The following PKP2 variants were observed in gnomAD, a reference collection of about 807,000 sequenced individuals.
PKP2 encodes the protein plakophilin-2.
A neutral mutation model predicts 83.4 loss-of-function variants in PKP2; 73 were observed. The ratio of observed to expected loss-of-function variants is 0.88; its 90% CI spans 0.72 to 1.06. The LOEUF is 1.06. PKP2 is among the 50% of genes least tolerant of loss of function. The pLI is 0.00. For missense variants in PKP2, 966 were observed against 1,065.4 expected (o/e 0.91, Z 1.30); for synonymous variants, 409 against 430.4 (o/e 0.95, Z 0.62).
intron 9 of PKP2, among the ~76,000 whole-genome samples, chr12:32,806,405 T>A (rs1020781802): frequency 2.6e-5 from 4 of 152,216 alleles, no homozygotes; most frequent in Non-Finnish European, 5.9e-5. Flanking sequence ...ATTATTGGTC[T>A]ACTAAGGGAT....
intron 9 of PKP2, among the ~76,000 whole-genome samples, chr12:32,818,144 C>T (rs947228485): frequency 2.6e-5 from 4 of 152,070 alleles, no homozygotes; most frequent in African/African-American, 7.2e-5. Flanking sequence ...TTTTTCCGAT[C>T]GATATTAAAT....
intron 3 of PKP2, among the ~76,000 whole-genome samples, chr12:32,871,986 C>T (rs1037356670): frequency 1.3e-5 from 2 of 152,136 alleles, no homozygotes; most frequent in Non-Finnish European, 2.9e-5. Flanking sequence ...CCCTCCTTCT[C>T]TCTCTCCCCA....
chr12:32,839,836 C>T (rs1441454581), intron 6 of PKP2, among the ~76,000 whole-genome samples: 1 of 152,166 alleles, frequency 6.6e-6, no homozygotes, highest in African/African-American at 2.4e-5. Flanking sequence ...ATGGGCAGTA[C>T]AGAAGATGGA....
At chr12:32,846,879 G>T (rs945859541) in intron 5 of PKP2, among the ~76,000 whole-genome samples, 46 of 152,116 alleles carry the variant, frequency 3.0e-4, no homozygotes, top group Non-Finnish European at 1.8e-4. Context: ...CTCAAAAGTA[G>T]GTGGGGTGAC....
At chr12:32,816,629 G>A (rs1956322446) in intron 9 of PKP2, among the ~76,000 whole-genome samples, 1 of 152,136 alleles carries the variant, frequency 6.6e-6, no homozygotes, top group African/African-American at 2.4e-5. Context: ...GGGTGGAATG[G>A]TAGCTCTGTT....
In PKP2 at chr12:32,865,681, C is replaced by CAAAAAAAAAAAAAAAAAAAAAAAAA. The variant is rs765071380; in HGVS notation, c.1170+3245_1170+3246insTTTTTTTTTTTTTTTTTTTTTTTTT. Among the ~76,000 whole-genome samples the CAAAAAAAAAAAAAAAAAAAAAAAAA allele has an allele frequency of 3.3e-4, 34 of 103,604 alleles. 3 individuals carry two copies. Among genetic ancestry groups the CAAAAAAAAAAAAAAAAAAAAAAAAA allele is most frequent in the African/African-American group, 1.6e-3 (29 of 17,842 alleles). 68.0% of individuals were successfully genotyped at this position (103,604 alleles called of 152,430 possible). On this transcript the variant is annotated intron_variant, in intron 4 of 12. Transcript: ENST00000340811. ...TGTCTGGAACAGAGTGACTCCGTCT[C>CAAAAAAAAAAAAAAAAAAAAAAAAA]AAAAAAAAAAAGACAAATAGATCAA...
chr12:32,857,862 G>A (rs985053287), intron 4 of PKP2, among the ~76,000 whole-genome samples: 6 of 150,496 alleles, frequency 4.0e-5, no homozygotes, highest in South Asian at 4.2e-4. Context: ...GCCCAACTTG[G>A]GAAACAGAAT....
At chr12:32,857,318 C>T (rs997482975) in intron 4 of PKP2, among the ~76,000 whole-genome samples, 1 of 151,824 alleles carries the variant, frequency 6.6e-6, no homozygotes, top group Admixed American at 6.6e-5. Flanking sequence ...CTCAGCTACT[C>T]GGGAGGCTGA....
chr12:32,893,584 C>T (rs956226072), intron 1 of PKP2: 2 of 152,130 alleles, frequency 1.3e-5, no homozygotes, highest in African/African-American at 4.8e-5. Flanking sequence ...TGTTTGCTGC[C>T]TTATCTCTCT....
intron 11 of PKP2, among the ~76,000 whole-genome samples, chr12:32,793,404 A>G (rs1010265454): frequency 6.6e-6 from 1 of 152,108 alleles, no homozygotes; most frequent in African/African-American, 2.4e-5. Flanking sequence ...AAAATGCATG[A>G]AACCATGACT....
chr12:32,833,358 T>C (rs866926363), intron 6 of PKP2, among the ~76,000 whole-genome samples: 2 of 152,324 alleles, frequency 1.3e-5, no homozygotes, highest in Middle Eastern at 3.4e-3. Context: ...AAAATTATAT[T>C]TGGTATGTGG....
intron 4 of PKP2, among the ~76,000 whole-genome samples, chr12:32,862,537 C>A (rs1204349650): frequency 1.3e-5 from 2 of 152,040 alleles, no homozygotes; most frequent in Non-Finnish European, 1.5e-5. Flanking sequence ...CCCAGCTACT[C>A]GGGAGGCTGA....
intron 1 of PKP2, among the ~76,000 whole-genome samples, chr12:32,896,230 A>G (rs2138008829): frequency 6.6e-6 from 1 of 152,270 alleles, no homozygotes; most frequent in East Asian, 1.9e-4. Context: ...GGACCGGCGG[A>G]GTAGAAAAAG....
intron 4 of PKP2, among the ~76,000 whole-genome samples, chr12:32,864,987 G>C (rs1356636025): frequency 1.3e-5 from 2 of 152,146 alleles, no homozygotes; most frequent in East Asian, 1.9e-4. Flanking sequence ...ACGTAAGAAT[G>C]TTTCACATCC....
chr12:32,816,994 T>C (rs974797232), intron 9 of PKP2, among the ~76,000 whole-genome samples: 1 of 152,198 alleles, frequency 6.6e-6, no homozygotes, highest in Non-Finnish European at 1.5e-5. Flanking sequence ...TTTAAACCTT[T>C]ACCAGATACA....
chr12:32,809,780 G>T (rs1157183393), intron 9 of PKP2, among the ~76,000 whole-genome samples: 1 of 152,158 alleles, frequency 6.6e-6, no homozygotes, highest in Non-Finnish European at 1.5e-5. Flanking sequence ...TCCTGGGCGG[G>T]TCGCACAATC....
At chr12:32,891,599 C>T (rs1158284019) in intron 1 of PKP2, among the ~76,000 whole-genome samples, 3 of 152,144 alleles carry the variant, frequency 2.0e-5, no homozygotes, top group African/African-American at 7.2e-5. Flanking sequence ...AAAAGCTACC[C>T]TCTGTTCCCA....
At chr12:32,883,477 C>A (rs938244445) in intron 1 of PKP2, among the ~76,000 whole-genome samples, 1 of 152,116 alleles carries the variant, frequency 6.6e-6, no homozygotes, top group African/African-American at 2.4e-5. Flanking sequence ...AAGATGATAT[C>A]GTGATGACCG....
In PKP2 at chr12:32,850,961, G is replaced by A. The variant is rs761238380; in HGVS notation, c.1183C>T (p.Arg395Cys). Residue 395 changes from arginine (R) to cysteine (C), a missense_variant, in exon 5 of 13, where the codon CGT becomes TGT. Coordinates refer to ENST00000340811, the MANE Select transcript of PKP2 (RefSeq NM_001005242.3). ...SEARKRVNQL[R>C]GILKLLQLLK... Reference sequence around the variant, plus strand: ...AGCTGCAGAAGCTTGAGGATGCCACGAAGCTGGTTAACCTGGGGAAGAAGC... The same window carrying A: ...AGCTGCAGAAGCTTGAGGATGCCACAAAGCTGGTTAACCTGGGGAAGAAGC... 13 of 1,613,826 alleles carry A rather than the reference G, an allele frequency of 8.1e-6. No individual in the cohort carries two copies. Among genetic ancestry groups the A allele is most frequent in the East Asian group, 6.7e-5 (3 of 44,900 alleles).
Sources: gnomAD v4.1 joint callset for allele counts (sites outside exome capture counted in the v4.1 genomes callset) on GRCh38, gnomAD v4.1.1 for gene constraint, MANE v1.5 for transcripts, NCBI Gene and HGNC (gene_info 2026-07-23, HGNC 2026-07-21) for gene names.